The following RBPJ variants were observed in gnomAD, a reference collection of about 807,000 sequenced individuals.
RBPJ encodes recombination signal binding protein for immunoglobulin kappa J region.
RBPJ carries 9 observed loss-of-function variants against 67.8 expected under a neutral mutation model. The observed-to-expected ratio is 0.13, with a 90% confidence interval of 0.08 to 0.23. RBPJ has a LOEUF of 0.23. RBPJ is among the 10% of genes least tolerant of loss of function. RBPJ has a pLI of 1.00. For missense variants in RBPJ, 305 were observed against 595.6 expected, an observed-to-expected ratio of 0.51 and a Z score of 5.08; for synonymous variants, 198 against 203.3, an observed-to-expected ratio of 0.97 and a Z score of 0.22.
intron 7 of RBPJ, among the ~76,000 whole-genome samples, chr4:26,425,177 G>A (rs1234105788): frequency 6.6e-6 from 1 of 152,084 alleles, no homozygotes; most frequent in African/African-American, 2.4e-5. Context: ...AAATATAAGC[G>A]TAATTTTTGT....
At chr4:26,162,242 C>G (rs1490392777), upstream of RBPJ, among the ~76,000 whole-genome samples, 3 of 152,204 alleles carry the variant, frequency 2.0e-5, no homozygotes, top group African/African-American at 7.2e-5. Flanking sequence ...TCACAGAGGC[C>G]TAGGACAGCC....
intron 1 of RBPJ, among the ~76,000 whole-genome samples, chr4:26,336,350 G>A (rs993864552): frequency 6.6e-6 from 1 of 152,174 alleles, no homozygotes; most frequent in Admixed American, 6.6e-5. Flanking sequence ...TCTAGGTACT[G>A]TGGCTTGTAA....
chr4:26,349,784 G>A (rs1319817820), intron 1 of RBPJ, among the ~76,000 whole-genome samples: 1 of 152,188 alleles, frequency 6.6e-6, no homozygotes, highest in Non-Finnish European at 1.5e-5. Flanking sequence ...TCATGATGAT[G>A]TATTGTTTTA....
intron 3 of RBPJ, among the ~76,000 whole-genome samples, chr4:26,414,433 T>G (rs1370967846): frequency 6.6e-6 from 1 of 152,176 alleles, no homozygotes; most frequent in African/African-American, 2.4e-5. Flanking sequence ...CCTCCCAAAG[T>G]GTTAGGATTA....
upstream of RBPJ, among the ~76,000 whole-genome samples, chr4:26,161,470 G>T (rs904211097): frequency 2.0e-5 from 3 of 152,326 alleles, no homozygotes; most frequent in South Asian, 6.2e-4. Flanking sequence ...CTTAGAGGCT[G>T]TACCCAGAAT....
rs879749980 is a variant in RBPJ at position 26,241,214 on chromosome 4, A to T, written c.-167+77600A>T. ...CCTGTCTCCAAAAATAAAAAAAAAA[A>T]AAAAAAAATTGAGCACTTTCCACCA... On this transcript the variant is annotated intron_variant, in intron 1 of 4. Transcript: ENST00000512351. Among the ~76,000 whole-genome samples, 746 of 152,162 alleles carry T rather than the reference A, an allele frequency of 4.9e-3. 1 individual carries two copies. Among genetic ancestry groups the T allele is most frequent in the Non-Finnish European group, 8.1e-3 (551 of 68,020 alleles).
chr4:26,382,947 T>C (rs762676648), intron 1 of RBPJ, among the ~76,000 whole-genome samples: 10 of 152,212 alleles, frequency 6.6e-5, no homozygotes, highest in Non-Finnish European at 1.0e-4. Context: ...TTAGCTTTAA[T>C]GAGATAAATA....
intron 1 of RBPJ, among the ~76,000 whole-genome samples, chr4:26,268,796 C>T (rs550655533): frequency 2.0e-5 from 3 of 152,140 alleles, no homozygotes; most frequent in Admixed American, 2.0e-4. Context: ...TATTCATCCC[C>T]CAAGTCCACT....
chr4:26,168,089 C>T (rs1716391327), intron 1 of RBPJ, among the ~76,000 whole-genome samples: 1 of 151,588 alleles, frequency 6.6e-6, no homozygotes, highest in Admixed American at 6.6e-5. Context: ...GTTAATATTG[C>T]TATGTGTGAA....
intron 1 of RBPJ, among the ~76,000 whole-genome samples, chr4:26,365,995 T>C (rs560444723): frequency 6.6e-6 from 1 of 152,376 alleles, no homozygotes; most frequent in South Asian, 2.1e-4. Context: ...TAGCACACTC[T>C]GGAATCAATT....
chr4:26,153,420 T>A, the RBPJ span, among the ~76,000 whole-genome samples: 3 of 152,218 alleles, frequency 2.0e-5, no homozygotes, highest in South Asian at 2.1e-4. Flanking sequence ...CAGCAGGCGT[T>A]CAGTCTCCAC....
rs373621705 is a variant in RBPJ, at chr4:26,348,693, ATTTTTGT to A, written c.20+27658_20+27664del. Among the ~76,000 whole-genome samples, 1,286 of 151,918 alleles carry A rather than the reference ATTTTTGT, an allele frequency of 8.5e-3. 15 individuals carry two copies. Among genetic ancestry groups the A allele is most frequent in the African/African-American group, 0.029 (1,198 of 41,426 alleles). On this transcript the variant is annotated intron_variant, in intron 1 of 10. Coordinates refer to ENST00000355476, the MANE Select transcript of RBPJ (RefSeq NM_015874.6). ...CAACAAAAAGTTTGGTTGTTTTTTG[ATTTTTGT>A]TTTTTGTTTTTTTTTGTTTTTGAGA...
chr4:26,116,553 T>C, the RBPJ span, among the ~76,000 whole-genome samples: 1 of 152,228 alleles, frequency 6.6e-6, no homozygotes, highest in African/African-American at 2.4e-5. Context: ...CTCATGGGAC[T>C]GTCCTCTCAG....
intron 1 of RBPJ, among the ~76,000 whole-genome samples, chr4:26,365,178 T>C (rs1398836998): frequency 2.0e-5 from 3 of 152,112 alleles, no homozygotes; most frequent in African/African-American, 7.2e-5. Context: ...TTGATGATTA[T>C]TAAATGCCAG....
intron 1 of RBPJ, among the ~76,000 whole-genome samples, chr4:26,270,487 G>GAGGA (rs900012605): frequency 2.9e-4 from 43 of 150,500 alleles, no homozygotes; most frequent in South Asian, 8.5e-4. Context: ...TGAAAGGAGG[G>GAGGA]AGGAAGGAAG....
At chr4:26,111,636 C>A in the RBPJ span, among the ~76,000 whole-genome samples, 3 of 152,212 alleles carry the variant, frequency 2.0e-5, no homozygotes, top group Non-Finnish European at 4.4e-5. Flanking sequence ...TCATGGGAAA[C>A]AATCCCTGGC....
intron 1 of RBPJ, among the ~76,000 whole-genome samples, chr4:26,286,472 C>CA (rs57556548): frequency 0.043 from 4,217 of 99,204 alleles, 197 homozygotes; most frequent in African/African-American, 0.14. Flanking sequence ...GACCCTGCCT[C>CA]AAAAAAAAAA....
chr4:26,404,779 C>T (rs1733219734), intron 2 of RBPJ, among the ~76,000 whole-genome samples: 1 of 152,170 alleles, frequency 6.6e-6, no homozygotes, highest in Non-Finnish European at 1.5e-5. Context: ...TTATTGATGC[C>T]TTTATTCACA....
chr4:26,316,428 C>CAT (rs536771568), upstream of RBPJ, among the ~76,000 whole-genome samples: 38 of 123,628 alleles, frequency 3.1e-4, no homozygotes, highest in East Asian at 1.3e-3. Context: ...TATATACATT[C>CAT]ATATATACAT....
Sources: gnomAD v4.1 joint callset for allele counts (sites outside exome capture counted in the v4.1 genomes callset) on GRCh38, gnomAD v4.1.1 for gene constraint, MANE v1.5 for transcripts, NCBI Gene and HGNC (gene_info 2026-07-23, HGNC 2026-07-21) for gene names.